Variants in TET2 observed in about 807,000 individuals in gnomAD.
TET2 encodes methylcytosine dioxygenase TET2.
A neutral mutation model predicts 142.9 loss-of-function variants in TET2; 299 were observed. The observed-to-expected ratio is 2.09, with a 90% CI of 1.90 to 2.30. The LOEUF is 2.30. Among genes scored for constraint, TET2 ranks in the 30% most tolerant of loss-of-function variants. TET2 has a pLI of 0.00. For missense variants in TET2, 2,418 were observed against 2,378.0 expected, an observed-to-expected ratio of 1.02 and a Z score of -0.35; for synonymous variants, 819 against 849.0, an observed-to-expected ratio of 0.96 and a Z score of 0.61.
chr4:105,184,208 T>G (rs895186463), intron 1 of TET2, among the ~76,000 whole-genome samples: 4 of 152,190 alleles, frequency 2.6e-5, no homozygotes, highest in African/African-American at 9.7e-5. Flanking sequence ...TTTAAAAATA[T>G]CTATTATTTT....
In TET2 at chr4:105,235,403, GA is replaced by G; in HGVS notation, c.1463del (p.Asn488MetfsTer9). 1 of 1,614,180 alleles carries G rather than the reference GA, an allele frequency of 6.2e-7. No individual in the cohort carries two copies. The highest frequency in any genetic ancestry group is 8.5e-7 in the Non-Finnish European group (1 of 1,180,014). ...ERPQNNCVNR[N>X]DIQTAGTMTV... is the part of the protein sequence containing the mutation. The stretch of plus-strand genomic sequence containing the variant: ...GGCCTCAGAATAATTGTGTGAACAG[GA>G]ATGACATACAGACTGCAGGGACAAT... On this transcript the variant is annotated frameshift_variant, in exon 3 of 11. Transcript: ENST00000380013. LOFTEE classifies it high-confidence loss of function.
intron 3 of TET2, 51 bp from the exon 4 acceptor site, chr4:105,241,288 A>T: frequency 6.7e-7 from 1 of 1,497,368 alleles, no homozygotes; most frequent in Non-Finnish European, 8.9e-7. Flanking sequence ...TGTAGCCTTT[A>T]TATTTAGTAT....
In TET2 at chr4:105,237,343, G is replaced by T; in HGVS notation, c.3401G>T (p.Arg1134Ile). The change falls in exon 3 of 11, where the codon AGA (arginine) becomes ATA (isoleucine). Residue 1134 changes from arginine (R) to isoleucine (I), a missense_variant. Coordinates refer to ENST00000380013, the MANE Select transcript of TET2 (RefSeq NM_001127208.3). ...ACTCAATATGATTTCCCATCTTGCAGATGTGTAGGTAAGTGCCAGAAATGT... is the reference window on the plus strand; with the variant it reads ...ACTCAATATGATTTCCCATCTTGCATATGTGTAGGTAAGTGCCAGAAATGT... ...VKTQYDFPSC[R>I]CVEQIIEKDE... is the part of the protein sequence containing the mutation. The T allele has an allele frequency of 6.2e-7, 1 of 1,614,136 alleles. No homozygotes were observed. The highest frequency in any genetic ancestry group is 8.5e-7 in the Non-Finnish European group (1 of 1,179,992).
intron 1 of TET2, among the ~76,000 whole-genome samples, chr4:105,176,356 T>C (rs1399929538): frequency 1.3e-5 from 2 of 152,286 alleles, no homozygotes; most frequent in Non-Finnish European, 2.9e-5. Context: ...CAAACTGTCT[T>C]TGTTCACGGA....
Position 105,278,445 on chromosome 4 carries a change from A to G in TET2, c.*1926A>G, listed in dbSNP as rs1191733267. 4.6e-6 allele frequency: 1 copy of G among 218,264 alleles called. No individual in the cohort carries two copies. The highest frequency in any genetic ancestry group is 9.1e-6 in the Non-Finnish European group (1 of 109,592). The allele number at this position is 218,264 out of a possible 1,614,324, so 13.5% of individuals were successfully genotyped here. A position where few individuals can be genotyped will look rare whatever the true frequency, so the allele number is the denominator to read the frequency against. On this transcript the variant is annotated 3_prime_UTR_variant, in exon 11 of 11. Transcript: ENST00000380013. The stretch of plus-strand genomic sequence containing the variant: ...ACCTTTTTTCAATACTTGATTTCTT[A>G]GCAAGTATAACTTGAACTTCAACCT...
chr4:105,252,074 T>G (rs1348737673), intron 6 of TET2, among the ~76,000 whole-genome samples: 1 of 152,128 alleles, frequency 6.6e-6, no homozygotes, highest in Non-Finnish European at 1.5e-5. Flanking sequence ...TCACCTTTGG[T>G]GTTATGTATT....
intron 10 of TET2, among the ~76,000 whole-genome samples, chr4:105,273,707 TGAGA>T (rs555585065): frequency 1.3e-5 from 2 of 151,540 alleles, no homozygotes; most frequent in East Asian, 1.9e-4. Context: ...AAAATATGAT[TGAGA>T]GAGAGAGAGG....
intron 8 of TET2, among the ~76,000 whole-genome samples, chr4:105,264,275 G>A (rs1730586425): frequency 6.6e-6 from 1 of 152,100 alleles, no homozygotes; most frequent in Admixed American, 6.6e-5. Flanking sequence ...GTATCACAAA[G>A]TATAAGGAGT....
rs1372195991 is a variant in TET2 at position 105,237,080 on chromosome 4, T to TA, written c.3139dup (p.Thr1047AsnfsTer11). The TA allele has an allele frequency of 3.1e-6, 5 of 1,614,172 alleles. No homozygotes were observed. The highest frequency in any genetic ancestry group is 3.4e-6 in the Non-Finnish European group (4 of 1,180,012). ...AGTCGTTATTTGACCATAAGGCTCT[T>TA]ACTCTCAAATCACAGAAGCAAGTAA... is the stretch of plus-strand genomic sequence containing the variant. On this transcript the variant is annotated frameshift_variant, in exon 3 of 11. Coordinates refer to ENST00000380013, the MANE Select transcript of TET2 (RefSeq NM_001127208.3). LOFTEE classifies it high-confidence loss of function.
In TET2 at chr4:105,234,422, T is replaced by TA. The variant is rs1728704616; in HGVS notation, c.483dup (p.Asp162ArgfsTer9). On this transcript the variant is annotated frameshift_variant, in exon 3 of 11. Transcript: ENST00000380013. LOFTEE classifies it high-confidence loss of function. ...GTTCTGTAGCCCAAGAAAATGCAGT[T>TA]AAAGATTTCACCAGTTTTTCAACAC... is the stretch of plus-strand genomic sequence containing the variant. The TA allele has an allele frequency of 1.9e-6, 3 of 1,613,864 alleles. No homozygotes were observed. Among genetic ancestry groups the TA allele is most frequent in the Admixed American group, 1.7e-5 (1 of 59,958 alleles).
intron 2 of TET2, among the ~76,000 whole-genome samples, chr4:105,228,117 G>A (rs1728292143): frequency 6.6e-6 from 1 of 152,028 alleles, no homozygotes; most frequent in Admixed American, 6.6e-5. Flanking sequence ...CTGTGCAAGT[G>A]GGTTACTGGA....
At position 105,235,664 on chromosome 4, in the gene TET2, A is replaced by G. The variant is rs1728823420; in HGVS notation, c.1722A>G (p.Gln574=). ...AATTGAAGGCCCCTCGTTTTCACCA[A>G]GCGGAATCCCATCTAAAACGTAATG... The part of the protein sequence containing the change: ...WIELKAPRFH[Q]AESHLKRNEA... The change falls in exon 3 of 11, where the codon CAA becomes CAG. Residue 574 remains glutamine, a synonymous_variant. Transcript: ENST00000380013. 6.2e-7 allele frequency: 1 copy of G among 1,614,088 alleles called. No individual in the cohort carries two copies. The highest frequency in any genetic ancestry group is 1.3e-5 in the African/African-American group (1 of 74,942).
rs1188943994 is a variant in TET2, at chr4:105,236,525, C to CT, written c.2585dup (p.Leu862PhefsTer10). 1 of 1,614,124 alleles carries CT rather than the reference C, an allele frequency of 6.2e-7. No individual in the cohort carries two copies. ...TTTTTGCAGGAAACAAGACCCAAAA[C>CT]TTGCATCACATGCAATATTTTCCAA... On this transcript the variant is annotated frameshift_variant, in exon 3 of 11. Transcript: ENST00000380013. LOFTEE classifies it high-confidence loss of function.
chr4:105,153,652 C>T (rs1723423517), intron 1 of TET2, among the ~76,000 whole-genome samples: 1 of 152,134 alleles, frequency 6.6e-6, no homozygotes, highest in Non-Finnish European at 1.5e-5. Flanking sequence ...AAATAACTTC[C>T]TTAAGTTCAT....
rs944965276 is a variant in TET2 at position 105,235,610 on chromosome 4, A to G, written c.1668A>G (p.Thr556=). Residue 556 remains threonine, a synonymous_variant, in exon 3 of 11, where the codon ACA becomes ACG. Coordinates refer to ENST00000380013, the MANE Select transcript of TET2 (RefSeq NM_001127208.3). The stretch of plus-strand genomic sequence containing the variant: ...AAACACGAGATCTTGTGCCCCCAAC[A>G]CAGCACTATCTGAAACCAGGATGGA... The part of the protein sequence containing the change: ...KEQTRDLVPP[T]QHYLKPGWIE... The G allele has an allele frequency of 6.2e-7, 1 of 1,614,138 alleles. No individual in the cohort carries two copies. The highest frequency in any genetic ancestry group is 8.5e-7 in the Non-Finnish European group (1 of 1,179,992).
intron 1 of TET2, chr4:105,147,430 A>T (rs1177086678): frequency 6.6e-6 from 1 of 152,226 alleles, no homozygotes; most frequent in African/African-American, 2.4e-5. Context: ...CAGAGAGAAC[A>T]CTGATAGGGT....
chr4:105,264,754 A>ATAATAGCCATGTGATGTTTC (rs554927258), intron 8 of TET2, among the ~76,000 whole-genome samples: 97 of 152,332 alleles, frequency 6.4e-4, no homozygotes, highest in African/African-American at 2.3e-3. Context: ...AGAGATCAAA[A>ATAATAGCCATGTGATGTTTC]TAATAGCCAT....
intron 1 of TET2, among the ~76,000 whole-genome samples, chr4:105,159,990 G>A (rs1019652273): frequency 3.3e-5 from 5 of 151,784 alleles, no homozygotes; most frequent in East Asian, 3.9e-4. Flanking sequence ...GCGACAGAAC[G>A]AGACTCCGTC....
intron 6 of TET2, among the ~76,000 whole-genome samples, chr4:105,250,715 CAG>C (rs1202222082): frequency 6.6e-6 from 1 of 151,678 alleles, no homozygotes; most frequent in African/African-American, 2.4e-5. Flanking sequence ...TTTTTTAAGA[CAG>C]AGTCTTGCTC....
Sources: allele counts gnomAD v4.1 joint callset (sites outside exome capture counted in the v4.1 genomes callset), GRCh38; gene constraint gnomAD v4.1.1; transcripts MANE v1.5; gene names NCBI Gene and HGNC (gene_info 2026-07-23, HGNC 2026-07-21).